The following KCNIP4 variants were observed in gnomAD, a reference collection of about 807,000 sequenced individuals.
KCNIP4 encodes the protein Kv channel-interacting protein 4.
KCNIP4 carries 12 observed loss-of-function variants against 34.0 expected under a neutral mutation model. The observed-to-expected ratio is 0.35, with a 90% CI of 0.23 to 0.57. The LOEUF (loss-of-function observed/expected upper bound fraction) is 0.57, where lower values mean the gene tolerates loss of function less well. Among genes scored for constraint, KCNIP4 ranks in the 20% least tolerant of loss-of-function variants. KCNIP4 has a pLI of 0.83. For synonymous variants in KCNIP4, 124 were observed against 102.2 expected (o/e 1.21, Z -1.29); for missense variants, 238 against 311.7 (o/e 0.76, Z 1.78).
At chr4:21,333,231 A>T (rs1452261062) in intron 1 of KCNIP4, among the ~76,000 whole-genome samples, 1 of 151,952 alleles carries the variant, frequency 6.6e-6, no homozygotes, top group Non-Finnish European at 1.5e-5. Context: ...TTCATGTCTT[A>T]CTTGTTTTCC....
intron 1 of KCNIP4, among the ~76,000 whole-genome samples, chr4:21,072,313 T>G (rs1745025535): frequency 6.6e-6 from 1 of 152,230 alleles, no homozygotes. Flanking sequence ...TGTTGTTTCC[T>G]GACATGTTAA....
chr4:20,985,117 G>T (rs76628796), intron 1 of KCNIP4, among the ~76,000 whole-genome samples: 8,035 of 152,204 alleles, frequency 0.053, 679 homozygotes, highest in African/African-American at 0.18. Context: ...GGACTCTGTA[G>T]GTGAACTGGA....
chr4:20,901,118 C>T (rs543336433), intron 1 of KCNIP4, among the ~76,000 whole-genome samples: 2 of 152,278 alleles, frequency 1.3e-5, no homozygotes, highest in Admixed American at 1.3e-4. Flanking sequence ...ACAATGATAG[C>T]AACACAAGCC....
At chr4:21,016,606 T>C (rs1325992266) in intron 1 of KCNIP4, among the ~76,000 whole-genome samples, 3 of 150,388 alleles carry the variant, frequency 2.0e-5, no homozygotes, top group African/African-American at 4.8e-5. Context: ...AGCTTTCTTT[T>C]ATTTTTATTT....
chr4:21,287,415 G>C lies in KCNIP4; in HGVS notation c.62-404706C>G, dbSNP rs1763187873. 2.0e-5 allele frequency among the ~76,000 whole-genome samples: 3 copies of C among 152,172 alleles called. No homozygotes were observed. The South Asian group carries it at 6.2e-4, about 32-fold the overall frequency. Reference sequence around the variant, plus strand: ...AAAGCAAAAGAGGAAACATATTCATGTACTGTCTGATGAGTATTATAATGA... The same window carrying C: ...AAAGCAAAAGAGGAAACATATTCATCTACTGTCTGATGAGTATTATAATGA... On this transcript the variant is annotated intron_variant, in intron 1 of 8. Coordinates refer to ENST00000382152, the MANE Select transcript of KCNIP4 (RefSeq NM_025221.6).
chr4:21,917,669 T>C (rs1185597864), intron 1 of KCNIP4, among the ~76,000 whole-genome samples: 2 of 152,218 alleles, frequency 1.3e-5, no homozygotes, highest in Admixed American at 1.3e-4. Context: ...ATTTCACAGA[T>C]ACAATATCTG....
intron 1 of KCNIP4, among the ~76,000 whole-genome samples, chr4:21,655,201 T>G (rs1311060199): frequency 6.6e-6 from 1 of 152,080 alleles, no homozygotes; most frequent in African/African-American, 2.4e-5. Context: ...CATAATGAAA[T>G]TCCACATGTT....
intron 1 of KCNIP4, among the ~76,000 whole-genome samples, chr4:21,770,916 T>C (rs1718737623): frequency 6.6e-6 from 1 of 152,218 alleles, no homozygotes. Flanking sequence ...TGATGATAGT[T>C]TCTTTGCTGT....
intron 1 of KCNIP4, among the ~76,000 whole-genome samples, chr4:20,965,314 G>C (rs1399659084): frequency 6.6e-6 from 1 of 152,084 alleles, no homozygotes; most frequent in Non-Finnish European, 1.5e-5. Context: ...GGTTTTCACG[G>C]AACACATAAG....
chr4:21,156,532 A>G (rs1164417087), intron 1 of KCNIP4, among the ~76,000 whole-genome samples: 3 of 152,162 alleles, frequency 2.0e-5, no homozygotes, highest in African/African-American at 7.2e-5. Context: ...TGAGAAATAT[A>G]CATTAATTCC....
intron 1 of KCNIP4, among the ~76,000 whole-genome samples, chr4:21,774,892 G>T (rs140800353): frequency 6.6e-6 from 1 of 152,216 alleles, no homozygotes; most frequent in East Asian, 1.9e-4. Context: ...GTTAGAACAT[G>T]CTCCTTTAGT....
chr4:21,019,210 C>T (rs931120934), intron 1 of KCNIP4, among the ~76,000 whole-genome samples: 8 of 151,942 alleles, frequency 5.3e-5, no homozygotes, highest in Non-Finnish European at 8.8e-5. Context: ...TGCTGGAGTG[C>T]AGTGGCGTGA....
intron 1 of KCNIP4, among the ~76,000 whole-genome samples, chr4:21,680,729 G>A (rs6841753): frequency 9.2e-5 from 14 of 152,256 alleles, no homozygotes; most frequent in African/African-American, 2.9e-4. Flanking sequence ...ATGACTAGGC[G>A]CATTGTCAAT....
chr4:20,889,218 C>CA (rs1322746446), intron 1 of KCNIP4, among the ~76,000 whole-genome samples: 1 of 151,786 alleles, frequency 6.6e-6, no homozygotes, highest in African/African-American at 2.4e-5. Flanking sequence ...AACCAAGAAC[C>CA]AAAAAATGGT....
At chr4:21,266,258 A>G (rs979852166) in intron 1 of KCNIP4, among the ~76,000 whole-genome samples, 2 of 152,170 alleles carry the variant, frequency 1.3e-5, no homozygotes, top group Non-Finnish European at 2.9e-5. Context: ...CGTACAATGG[A>G]GAGTAAAGAG....
At chr4:21,650,819 T>A (rs991700441) in intron 1 of KCNIP4, among the ~76,000 whole-genome samples, 1 of 152,174 alleles carries the variant, frequency 6.6e-6, no homozygotes, top group African/African-American at 2.4e-5. Context: ...CATCTGGAGT[T>A]TGGGGGTCCT....
chr4:21,763,396 G>C (rs527864039), intron 1 of KCNIP4, among the ~76,000 whole-genome samples: 4 of 152,082 alleles, frequency 2.6e-5, no homozygotes, highest in Non-Finnish European at 5.9e-5. Context: ...CCATAATGAA[G>C]GTTTAATCAT....
At chr4:21,857,985 C>T (rs1342920287) in intron 1 of KCNIP4, among the ~76,000 whole-genome samples, 2 of 152,198 alleles carry the variant, frequency 1.3e-5, no homozygotes, top group Non-Finnish European at 2.9e-5. Context: ...TTGCTGTACA[C>T]CTGGTCCAGC....
chr4:21,398,393 G>A (rs1279137175), intron 1 of KCNIP4, among the ~76,000 whole-genome samples: 1 of 152,122 alleles, frequency 6.6e-6, no homozygotes, highest in Non-Finnish European at 1.5e-5. Context: ...TAATCCCAAT[G>A]GCACAAAGAT....
Sources: gnomAD v4.1 joint callset for allele counts (sites outside exome capture counted in the v4.1 genomes callset) on GRCh38, gnomAD v4.1.1 for gene constraint, MANE v1.5 for transcripts, NCBI Gene and HGNC (gene_info 2026-07-23, HGNC 2026-07-21) for gene names.